The following HSPA4 variants were observed in gnomAD, a reference collection of about 807,000 sequenced individuals.
HSPA4 encodes the protein heat shock 70 kDa protein 4.
In HSPA4, 25 loss-of-function variants were observed where a neutral mutation model predicts 106.2. The observed-to-expected ratio is 0.24, with a 90% confidence interval of 0.17 to 0.33. The LOEUF is 0.33. Ranked by LOEUF, HSPA4 falls within the 10% of genes least tolerant of loss-of-function variation. HSPA4 has a pLI of 1.00. For synonymous variants in HSPA4, 332 were observed against 333.6 expected, an observed-to-expected ratio of 1.00 and a Z score of 0.05; for missense variants, 841 against 996.0, an observed-to-expected ratio of 0.84 and a Z score of 2.10.
At chr5:133,070,342 T>G in intron 3 of HSPA4, 32 bp from the exon 4 acceptor site, 1 of 1,579,738 alleles carries the variant, frequency 6.3e-7, no homozygotes, top group Non-Finnish European at 8.6e-7. Flanking sequence ...AGAAATATAA[T>G]AAGTCTAGGC....
chr5:133,061,804 T>G (rs945413477), intron 1 of HSPA4, among the ~76,000 whole-genome samples: 26 of 152,236 alleles, frequency 1.7e-4, no homozygotes, highest in Admixed American at 1.4e-3. Context: ...GTTTTTTGTT[T>G]TGTATTTTTA....
intron 16 of HSPA4, 70 bp from the exon 17 acceptor site, chr5:133,101,689 C>T (rs1765787014): frequency 7.1e-7 from 1 of 1,399,472 alleles, no homozygotes; most frequent in Non-Finnish European, 9.9e-7. Flanking sequence ...TACTTTATCA[C>T]TAGTTTTAGT....
At chr5:133,102,037 C>T (rs758314697) in intron 17 of HSPA4, among the ~76,000 whole-genome samples, 159 bp downstream of exon 17, 26 of 151,196 alleles carry the variant, frequency 1.7e-4, no homozygotes, top group Non-Finnish European at 3.4e-4. Flanking sequence ...AGCAATTCTC[C>T]TGCCTCAGCT....
At chr5:133,058,150 G>A (rs1286246174) in intron 1 of HSPA4, among the ~76,000 whole-genome samples, 1 of 152,126 alleles carries the variant, frequency 6.6e-6, no homozygotes, top group African/African-American at 2.4e-5. Context: ...CCAGCACTTT[G>A]GGAGGCCGAG....
intron 8 of HSPA4, among the ~76,000 whole-genome samples, chr5:133,087,951 T>A (rs1253363923): frequency 6.6e-6 from 1 of 152,198 alleles, no homozygotes; most frequent in African/African-American, 2.4e-5. Context: ...GTGGACTATG[T>A]TTATGCCTTG....
intron 13 of HSPA4, 123 bp from the exon 14 acceptor site, chr5:133,095,975 A>T: frequency 1.4e-6 from 1 of 695,432 alleles, no homozygotes; most frequent in Non-Finnish European, 2.3e-6. Context: ...GTCCTAAGTT[A>T]CTTAGATCAT....
chr5:133,089,199 A>G, intron 10 of HSPA4, 38 bp downstream of exon 10: 1 of 1,144,044 alleles, frequency 8.7e-7, no homozygotes, highest in Non-Finnish European at 1.3e-6. Flanking sequence ...TCTAAAGTTA[A>G]TTGACTATTA....
chr5:133,101,123 A>G (rs1017700340), intron 16 of HSPA4, among the ~76,000 whole-genome samples: 3 of 152,020 alleles, frequency 2.0e-5, no homozygotes, highest in African/African-American at 7.2e-5. Flanking sequence ...TCTTAATATC[A>G]CTGTTGTATT....
At chr5:133,061,357 C>T (rs1389010050) in intron 1 of HSPA4, among the ~76,000 whole-genome samples, 2 of 151,850 alleles carry the variant, frequency 1.3e-5, no homozygotes, top group Non-Finnish European at 2.9e-5. Context: ...TTCTTGATCT[C>T]GTGATCCACC....
intron 7 of HSPA4, among the ~76,000 whole-genome samples, chr5:133,081,605 C>G (rs1561581578): frequency 6.6e-6 from 1 of 152,156 alleles, no homozygotes; most frequent in African/African-American, 2.4e-5. Flanking sequence ...ATTTGGCTCT[C>G]TGAGTTAGGT....
At chr5:133,104,072 T>G in intron 18 of HSPA4, 46 bp downstream of exon 18, 1 of 1,517,882 alleles carries the variant, frequency 6.6e-7, no homozygotes, top group Non-Finnish European at 9.1e-7. Context: ...ACAGCCTTAT[T>G]ATTAATAGTC....
At chr5:133,052,965 TATG>T (rs1765101300) in intron 1 of HSPA4, 3 of 152,458 alleles carry the variant, frequency 2.0e-5, no homozygotes, top group African/African-American at 7.2e-5. Flanking sequence ...TCGGTGCTCT[TATG>T]ATAACTTTGC....
intron 11 of HSPA4, 178 bp from the exon 12 acceptor site, chr5:133,091,015 G>A: frequency 2.9e-6 from 2 of 695,944 alleles, no homozygotes. Flanking sequence ...GACTGTGAAA[G>A]AAGAAAGAGA....
At chr5:133,057,671 AAAG>A (rs1765185169) in intron 1 of HSPA4, among the ~76,000 whole-genome samples, 1 of 152,220 alleles carries the variant, frequency 6.6e-6, no homozygotes, top group Non-Finnish European at 1.5e-5. Flanking sequence ...CTGGCTGAAA[AAAG>A]AAGTAATTTC....
chr5:133,084,686 T>G (rs905919577), intron 7 of HSPA4, among the ~76,000 whole-genome samples: 31 of 152,010 alleles, frequency 2.0e-4, no homozygotes, highest in African/African-American at 7.3e-4. Flanking sequence ...GTCAGGCTGG[T>G]CTCAAACTCC....
chr5:133,065,130 G>A (rs1765292092), intron 2 of HSPA4, 93 bp downstream of exon 2: 4 of 1,021,548 alleles, frequency 3.9e-6, no homozygotes, highest in African/African-American at 1.6e-5. Context: ...GCCTAACACT[G>A]GTAGGCCTTG....
chr5:133,089,853 A>G (rs1765623240), intron 11 of HSPA4, among the ~76,000 whole-genome samples, 158 bp downstream of exon 11: 1 of 152,144 alleles, frequency 6.6e-6, no homozygotes. Flanking sequence ...GTCTCCATTT[A>G]AACAACAACA....
chr5:133,088,939 T>C, intron 9 of HSPA4, 116 bp from the exon 10 acceptor site: 1 of 539,368 alleles, frequency 1.9e-6, no homozygotes. Flanking sequence ...AAATTACTAA[T>C]ATAAATATTT....
intron 7 of HSPA4, among the ~76,000 whole-genome samples, chr5:133,079,764 A>G (rs1317915306): frequency 6.6e-6 from 1 of 152,172 alleles, no homozygotes; most frequent in African/African-American, 2.4e-5. Context: ...GTCTTTGTCA[A>G]CACTTATTTT....
Sources: gnomAD v4.1 joint callset for allele counts (sites outside exome capture counted in the v4.1 genomes callset) on GRCh38, gnomAD v4.1.1 for gene constraint, MANE v1.5 for transcripts, NCBI Gene and HGNC (gene_info 2026-07-23, HGNC 2026-07-21) for gene names.